The following DLG2 variants were observed in gnomAD, a reference collection of about 807,000 sequenced individuals.
The protein encoded by DLG2 is disks large homolog 2.
A neutral mutation model predicts 132.5 loss-of-function variants in DLG2; 45 were observed. The observed-to-expected ratio is 0.34, with a 90% CI of 0.27 to 0.44. The LOEUF (loss-of-function observed/expected upper bound fraction) is 0.44, where lower values mean the gene tolerates loss of function less well. Ranked by LOEUF, DLG2 falls within the 20% of genes least tolerant of loss-of-function variation. DLG2 has a pLI of 1.00. For synonymous variants in DLG2, 424 were observed against 419.6 expected (o/e 1.01, Z -0.13); for missense variants, 1,045 against 1,196.9 (o/e 0.87, Z 1.87).
intron 11 of DLG2, among the ~76,000 whole-genome samples, chr11:84,051,602 C>A (rs1318293769): frequency 7.9e-6 from 1 of 126,888 alleles, no homozygotes; most frequent in East Asian, 2.3e-4. Flanking sequence ...GGAAGGGGAA[C>A]ATCATACACC....
At chr11:83,809,797 C>T (rs572274013) in intron 17 of DLG2, among the ~76,000 whole-genome samples, 19 of 152,098 alleles carry the variant, frequency 1.2e-4, no homozygotes, top group East Asian at 9.6e-4. Context: ...ATACAAAATA[C>T]GGGTTGAAGA....
chr11:84,655,258 A>G (rs1378262664), intron 6 of DLG2, among the ~76,000 whole-genome samples: 1 of 152,166 alleles, frequency 6.6e-6, no homozygotes, highest in Non-Finnish European at 1.5e-5. Flanking sequence ...AACTGGAAAC[A>G]TAAGCAGAAC....
intron 7 of DLG2, among the ~76,000 whole-genome samples, chr11:84,337,464 TTTA>T (rs1356870967): frequency 2.6e-5 from 4 of 152,216 alleles, no homozygotes; most frequent in African/African-American, 7.2e-5. Context: ...TTTAATATTT[TTTA>T]TTGTCTTCCT....
chr11:84,220,468 G>A (rs1357694027), intron 8 of DLG2, among the ~76,000 whole-genome samples: 2 of 152,084 alleles, frequency 1.3e-5, no homozygotes, highest in African/African-American at 4.8e-5. Flanking sequence ...ACTTATGTTG[G>A]TTTCTATGTT....
At chr11:84,875,356 G>T (rs913983153) in intron 6 of DLG2, among the ~76,000 whole-genome samples, 1 of 152,092 alleles carries the variant, frequency 6.6e-6, no homozygotes, top group East Asian at 1.9e-4. Flanking sequence ...TTCATGCAAA[G>T]AAATTATCCC....
chr11:83,483,153 A>G (rs1197737035), intron 22 of DLG2: 1 of 912,894 alleles, frequency 1.1e-6, no homozygotes, highest in Non-Finnish European at 1.8e-6. Context: ...TATCTTGTGC[A>G]TGCTAGGAGT....
chr11:83,993,998 C>A lies in DLG2; in HGVS notation c.920-13356G>T, dbSNP rs564511352. Among the ~76,000 whole-genome samples, 77 of 152,254 alleles carry A rather than the reference C, an allele frequency of 5.1e-4. 1 individual carries two copies. Among genetic ancestry groups the A allele is most frequent in the African/African-American group, 1.6e-3 (67 of 41,566 alleles). ...GTGGATCTTGAAAAATTTCCATTCA[C>A]AAACGCCTGTATTCAGTAACATCTC... On this transcript the variant is annotated intron_variant, in intron 11 of 27. Transcript: ENST00000376104.
At chr11:83,613,243 C>A (rs1474578039) in intron 19 of DLG2, among the ~76,000 whole-genome samples, 1 of 152,154 alleles carries the variant, frequency 6.6e-6, no homozygotes, top group Non-Finnish European at 1.5e-5. Context: ...GAACCAGAAC[C>A]AGAAATGAGG....
chr11:83,844,340 T>C (rs1027891431), intron 16 of DLG2, among the ~76,000 whole-genome samples: 4 of 149,084 alleles, frequency 2.7e-5, no homozygotes, highest in African/African-American at 1.0e-4. Flanking sequence ...AGGCCAGAAG[T>C]TCCAGACCAG....
chr11:84,978,570 T>C (rs2055253194), intron 6 of DLG2, among the ~76,000 whole-genome samples: 1 of 152,152 alleles, frequency 6.6e-6, no homozygotes, highest in Non-Finnish European at 1.5e-5. Context: ...GGGGAAAGGA[T>C]TCCCTATTTA....
intron 7 of DLG2, among the ~76,000 whole-genome samples, chr11:84,391,645 T>C (rs1188836382): frequency 6.6e-6 from 1 of 152,192 alleles, no homozygotes; most frequent in East Asian, 1.9e-4. Flanking sequence ...GTCTGAATAC[T>C]TCCTGAGCAT....
chr11:83,924,725 A>C (rs932020308), intron 15 of DLG2, among the ~76,000 whole-genome samples: 1 of 152,126 alleles, frequency 6.6e-6, no homozygotes, highest in African/African-American at 2.4e-5. Flanking sequence ...TAACTCTGGC[A>C]TATGATTGAG....
intron 6 of DLG2, among the ~76,000 whole-genome samples, chr11:84,925,951 A>T (rs1287679400): frequency 6.6e-6 from 1 of 152,188 alleles, no homozygotes; most frequent in Non-Finnish European, 1.5e-5. Context: ...GCAAGAAAAG[A>T]TAGACAATTG....
chr11:84,450,134 T>G (rs2099047400), intron 7 of DLG2, among the ~76,000 whole-genome samples: 1 of 151,878 alleles, frequency 6.6e-6, no homozygotes, highest in African/African-American at 2.4e-5. Context: ...CAAGGTCATT[T>G]GCCTAGAGGA....
intron 7 of DLG2, among the ~76,000 whole-genome samples, chr11:84,410,943 T>C (rs1472869833): frequency 6.6e-6 from 1 of 152,214 alleles, no homozygotes; most frequent in Non-Finnish European, 1.5e-5. Context: ...TTGTTACTTA[T>C]TGTCTTTTAT....
At chr11:84,089,860 G>A (rs118029169) in intron 10 of DLG2, among the ~76,000 whole-genome samples, 1,581 of 152,246 alleles carry the variant, frequency 0.01, 12 homozygotes, top group Non-Finnish European at 0.015. Context: ...GTGCTTTTGT[G>A]CTGTGGATGC....
chr11:84,724,246 A>G (rs1370920838), intron 6 of DLG2, among the ~76,000 whole-genome samples: 2 of 152,118 alleles, frequency 1.3e-5, no homozygotes, highest in Admixed American at 6.6e-5. Flanking sequence ...TTTGCTTCCA[A>G]TGTTGAAGTT....
intron 3 of DLG2, among the ~76,000 whole-genome samples, chr11:85,434,701 A>C (rs978860720): frequency 6.6e-6 from 1 of 152,178 alleles, no homozygotes; most frequent in Non-Finnish European, 1.5e-5. Flanking sequence ...CAACCAAAAA[A>C]AGCCCAGGAT....
intron 19 of DLG2, among the ~76,000 whole-genome samples, chr11:83,564,801 G>A (rs1186008690): frequency 2.6e-5 from 4 of 152,074 alleles, no homozygotes; most frequent in Admixed American, 1.3e-4. Flanking sequence ...TGATCATTAT[G>A]CTGGTCAAGA....
Sources: gnomAD v4.1 joint callset for allele counts (sites outside exome capture counted in the v4.1 genomes callset) on GRCh38, gnomAD v4.1.1 for gene constraint, MANE v1.5 for transcripts, NCBI Gene and HGNC (gene_info 2026-07-23, HGNC 2026-07-21) for gene names.